SF3A1: variants seen among roughly 807,000 people sequenced by gnomAD.
The protein encoded by SF3A1 is splicing factor 3a subunit 1.
Under a neutral mutation model 89.9 loss-of-function variants are expected in SF3A1, and 13 were observed. The ratio of observed to expected loss-of-function variants is 0.14; its 90% CI spans 0.09 to 0.23. The LOEUF (loss-of-function observed/expected upper bound fraction) is 0.23. Ranked by LOEUF, SF3A1 falls within the 10% of genes least tolerant of loss-of-function variation. The pLI, the probability that SF3A1 is intolerant of heterozygous loss-of-function variation, is 1.00. For missense variants in SF3A1, 604 were observed against 1,022.1 expected (o/e 0.59, Z 5.58); for synonymous variants, 405 against 374.4 (o/e 1.08, Z -0.94).
chr22:30,353,136 A>C, intron 1 of SF3A1, 64 bp from the exon 2 acceptor site: 7 of 1,584,704 alleles, frequency 4.4e-6, no homozygotes, highest in Non-Finnish European at 6.0e-6. Context: ...TCTCCACTGT[A>C]AAACTCCTCT....
At chr22:30,343,994 C>G (rs1931343375) in intron 4 of SF3A1, among the ~76,000 whole-genome samples, 2 of 152,220 alleles carry the variant, frequency 1.3e-5, no homozygotes, top group African/African-American at 4.8e-5. Flanking sequence ...GGAAAACAAC[C>G]TCCATGACAT....
intron 2 of SF3A1, among the ~76,000 whole-genome samples, chr22:30,350,303 C>CTAAAAAAAA (rs1191209403): frequency 1.9e-5 from 2 of 105,462 alleles, no homozygotes; most frequent in Non-Finnish European, 4.6e-5. Flanking sequence ...TACAAAAAAA[C>CTAAAAAAAA]TAAAAAAAAT....
In SF3A1 at chr22:30,334,395, A is replaced by C. The variant is rs1180849689; in HGVS notation, c.*199T>G. The C allele has an allele frequency of 2.2e-6, 1 of 461,684 alleles. No individual in the cohort carries two copies. The highest frequency in any genetic ancestry group is 4.0e-5 in the East Asian group (1 of 25,040). The allele number at this position is 461,684 out of a possible 1,614,324, so 28.6% of individuals were successfully genotyped here. A position where few individuals can be genotyped will look rare whatever the true frequency, so the allele number is the denominator to read the frequency against. ...AAAGAGATTCCAGAGAGTGGCTTAG[A>C]AAACCCAGCTACTCTTACCAATGTG... On this transcript the variant is annotated 3_prime_UTR_variant, in exon 16 of 16. Transcript: ENST00000215793.
At chr22:30,340,636 C>T in intron 8 of SF3A1, 59 bp downstream of exon 8, 1 of 1,071,100 alleles carries the variant, frequency 9.3e-7, no homozygotes. Context: ...GTGAGGAACA[C>T]ATGAGGGCAC....
At chr22:30,355,405 C>G (rs913776518) in intron 1 of SF3A1, among the ~76,000 whole-genome samples, 1 of 152,240 alleles carries the variant, frequency 6.6e-6, no homozygotes, top group African/African-American at 2.4e-5. Context: ...ACACACCACT[C>G]TGGCTGAAGA....
In SF3A1 at chr22:30,337,165, G is replaced by A. The variant is rs1931093627; in HGVS notation, c.1967C>T (p.Pro656Leu). Residue 656 changes from proline (P) to leucine (L), a missense_variant, in exon 13 of 16, where the codon CCA (proline) becomes CTA (leucine). Pro to Leu is a moderately conservative substitution (Grantham distance 98, BLOSUM62 -3). Coordinates refer to ENST00000215793, the MANE Select transcript of SF3A1 (RefSeq NM_005877.6). ...TGGAGCTGGGACAGGTGCCACAGGT[G>A]GAGCAGGCACAAAGGCTGCAAAGAC... ...MIVPTAFVPA[P>L]PVAPVPAPAP... 1.2e-6 allele frequency: 2 copies of A among 1,611,968 alleles called. No homozygotes were observed. The highest frequency in any genetic ancestry group is 1.7e-6 in the Non-Finnish European group (2 of 1,178,992).
At chr22:30,353,939 G>T (rs899733807) in intron 1 of SF3A1, among the ~76,000 whole-genome samples, 7 of 152,164 alleles carry the variant, frequency 4.6e-5, no homozygotes, top group African/African-American at 1.7e-4. Flanking sequence ...CGATGGGCTT[G>T]GCATGGAATT....
rs1161790713 is a variant in SF3A1, at chr22:30,334,489, A to C, written c.*105T>G. 4.4e-6 allele frequency: 3 copies of C among 676,442 alleles called. No homozygotes were observed. Among genetic ancestry groups the C allele is most frequent in the Non-Finnish European group, 5.1e-6 (2 of 395,668 alleles). 41.9% of individuals were successfully genotyped at this position (676,442 alleles called of 1,614,324 possible). ...TCCCAAACTGAGTAAGAGCGAAACA[A>C]ATATGCAGGCAAGGCAAAGCCTCAG... is the stretch of plus-strand genomic sequence containing the variant. On this transcript the variant is annotated 3_prime_UTR_variant, in exon 16 of 16. Coordinates refer to ENST00000215793, the MANE Select transcript of SF3A1 (RefSeq NM_005877.6).
At chr22:30,345,215 C>T (rs769496936) in intron 3 of SF3A1, 25 bp from the exon 4 acceptor site, 15 of 1,601,776 alleles carry the variant, frequency 9.4e-6, no homozygotes, top group Non-Finnish European at 1.2e-5. Flanking sequence ...GAGTATGAGG[C>T]GAGAGGCACA....
At chr22:30,337,270 G>C (rs997289801) in intron 12 of SF3A1, 90 bp from the exon 13 acceptor site, 1 of 1,264,602 alleles carries the variant, frequency 7.9e-7, no homozygotes, top group Non-Finnish European at 1.1e-6. Flanking sequence ...AGGTTGCAAA[G>C]GTTTCCTCTA....
chr22:30,354,907 G>A (rs561469139), intron 1 of SF3A1, among the ~76,000 whole-genome samples: 2 of 152,298 alleles, frequency 1.3e-5, no homozygotes, highest in Admixed American at 1.3e-4. Context: ...CTGGGTGACA[G>A]AACGACACCC....
chr22:30,338,419 T>C (rs961502360), intron 11 of SF3A1, among the ~76,000 whole-genome samples: 21 of 150,246 alleles, frequency 1.4e-4, no homozygotes, highest in Non-Finnish European at 7.4e-5. Context: ...GATCATGCCA[T>C]TGCACTCCAG....
At chr22:30,335,112 C>T (rs1053736100) in intron 15 of SF3A1, among the ~76,000 whole-genome samples, 4 of 152,210 alleles carry the variant, frequency 2.6e-5, no homozygotes, top group Admixed American at 2.6e-4. Context: ...CGGGGCTAGA[C>T]TATCACCTCC....
At chr22:30,339,368 A>C in intron 9 of SF3A1, 117 bp from the exon 10 acceptor site, 1 of 1,289,996 alleles carries the variant, frequency 7.8e-7, no homozygotes, top group East Asian at 2.3e-5. Flanking sequence ...GATGAGGGTG[A>C]CTCAGGGCCC....
chr22:30,354,209 T>A (rs1377612800), intron 1 of SF3A1, among the ~76,000 whole-genome samples: 1 of 152,222 alleles, frequency 6.6e-6, no homozygotes, highest in Non-Finnish European at 1.5e-5. Flanking sequence ...GCCTTCATGT[T>A]CTTTTCTGCC....
At chr22:30,336,204 T>G (rs1472872291) in intron 13 of SF3A1, among the ~76,000 whole-genome samples, 1 of 152,144 alleles carries the variant, frequency 6.6e-6, no homozygotes, top group Non-Finnish European at 1.5e-5. Flanking sequence ...CTTAAGCGTT[T>G]AAGAAATGGG....
At position 30,340,723 on chromosome 22, in the gene SF3A1, G is replaced by T; in HGVS notation, c.1161C>A (p.Val387=). ...PPPLPPTPDQ[V]IVRKDYDPKA... ...TGGGATCATAATCCTTGCGGACAAT[G>T]ACTTGGTCTGGAGTTGGGGGCAGAG... Residue 387 remains valine, a synonymous_variant, in exon 8 of 16, where the codon GTC becomes GTA. Transcript: ENST00000215793. 6.2e-7 allele frequency: 1 copy of T among 1,607,964 alleles called. No individual in the cohort carries two copies. Among genetic ancestry groups the T allele is most frequent in the Non-Finnish European group, 8.5e-7 (1 of 1,175,608 alleles).
intron 3 of SF3A1, among the ~76,000 whole-genome samples, chr22:30,345,765 C>T (rs1931399101): frequency 6.6e-6 from 1 of 152,180 alleles, no homozygotes; most frequent in African/African-American, 2.4e-5. Context: ...GTGCAGAAGG[C>T]AGGTCTGGAC....
At chr22:30,335,290 A>G (rs1253859630) in intron 15 of SF3A1, among the ~76,000 whole-genome samples, 177 bp downstream of exon 15, 1 of 152,096 alleles carries the variant, frequency 6.6e-6, no homozygotes, top group Non-Finnish European at 1.5e-5. Context: ...AGAGCCTTGC[A>G]TTGTTGGGCA....
Sources: gnomAD v4.1 joint callset for allele counts (sites outside exome capture counted in the v4.1 genomes callset) on GRCh38, gnomAD v4.1.1 for gene constraint, MANE v1.5 for transcripts, NCBI Gene and HGNC (gene_info 2026-07-23, HGNC 2026-07-21) for gene names.